NRK: variants seen among roughly 807,000 people sequenced by gnomAD.
NRK encodes Nik related kinase.
Under a neutral mutation model 125.2 loss-of-function variants are expected in NRK, and 67 were observed. The observed-to-expected ratio is 0.54, with a 90% CI of 0.44 to 0.66. The LOEUF is 0.66. NRK is among the 30% of genes least tolerant of loss of function. The pLI, the probability that NRK is intolerant of heterozygous loss-of-function variation, is 0.00. For synonymous variants in NRK, 458 were observed against 429.0 expected (o/e 1.07, Z -0.84); for missense variants, 1,224 against 1,192.9 (o/e 1.03, Z -0.38).
At chrX:105,878,741 G>A (rs763227324) in intron 2 of NRK, among the ~76,000 whole-genome samples, 1 of 110,709 alleles carries the variant, frequency 9.0e-6, no homozygotes, top group Non-Finnish European at 1.9e-5. Context: ...GGCATGCTCC[G>A]CCCTAAACTG....
intron 2 of NRK, among the ~76,000 whole-genome samples, chrX:105,878,688 G>C (rs1290998392): frequency 9.0e-6 from 1 of 110,730 alleles, no homozygotes; most frequent in East Asian, 2.9e-4. Flanking sequence ...TCAATAACCT[G>C]TAACTTTTTC....
rs763850517 is a variant in NRK, at chrX:105,956,178, A to T, written c.*578A>T. The T allele has an allele frequency of 1.8e-5, 2 of 111,752 alleles. No individual in the cohort carries two copies. The highest frequency in any genetic ancestry group is 6.5e-5 in the African/African-American group (2 of 30,715). 9.2% of individuals were successfully genotyped at this position (111,752 alleles called of 1,213,427 possible). ...CTCGTTTTCTCACTGATTCATGCCAATTAAGCCTACAGTTAAAGACCAGTT... is the reference window on the plus strand; with the variant it reads ...CTCGTTTTCTCACTGATTCATGCCATTTAAGCCTACAGTTAAAGACCAGTT... On this transcript the variant is annotated 3_prime_UTR_variant, in exon 29 of 29. Transcript: ENST00000243300.
At chrX:105,845,871 G>C (rs989182886) in intron 2 of NRK, among the ~76,000 whole-genome samples, 9 of 111,371 alleles carry the variant, frequency 8.1e-5, no homozygotes, top group African/African-American at 2.9e-4. Flanking sequence ...GCAGCTGTAG[G>C]GATCATTGAC....
Position 105,957,465 on chromosome X carries a change from TTAA to T in NRK, c.*1870_*1872del, listed in dbSNP as rs1250657874. ...TACGTAGTGTGTAGAATCAAGTCTTTTAATAATTCATTTTTTCTTCATAATATT... is the reference window on the plus strand; with the variant it reads ...TACGTAGTGTGTAGAATCAAGTCTTTTAATTCATTTTTTCTTCATAATATT... On this transcript the variant is annotated 3_prime_UTR_variant, in exon 29 of 29. Transcript: ENST00000243300. 4.5e-5 allele frequency: 5 copies of T among 111,793 alleles called. No individual in the cohort carries two copies. The highest frequency in any genetic ancestry group is 1.6e-4 in the African/African-American group (5 of 30,726). 9.2% of individuals were successfully genotyped at this position (111,793 alleles called of 1,213,427 possible).
chrX:105,884,040 A>AACTT (rs1463933070), intron 4 of NRK, among the ~76,000 whole-genome samples: 1 of 112,444 alleles, frequency 8.9e-6, no homozygotes, highest in East Asian at 2.8e-4. Flanking sequence ...ATTTGAAGGG[A>AACTT]ACTTATTAAC....
intron 6 of NRK, 116 bp downstream of exon 6, chrX:105,894,058 G>T: frequency 2.4e-6 from 1 of 424,953 alleles, no homozygotes. Context: ...CATAACCTGT[G>T]CATCAGGATA....
At chrX:105,870,202 C>A (rs775890353) in intron 2 of NRK, among the ~76,000 whole-genome samples, 1 of 111,771 alleles carries the variant, frequency 8.9e-6, no homozygotes, top group South Asian at 3.8e-4. Flanking sequence ...TGTGGGGAAG[C>A]TTCTTACATG....
At position 105,912,639 on chromosome X, in the gene NRK, G is replaced by C. The variant is rs2040316500; in HGVS notation, c.2242-9G>C. Reference sequence around the variant, plus strand: ...AATTAAAACAATTACTTTCCTTTTTGTTTCAAAGGACAAAGAAGATGAATC... The same window carrying C: ...AATTAAAACAATTACTTTCCTTTTTCTTTCAAAGGACAAAGAAGATGAATC... On this transcript the variant is annotated splice_polypyrimidine_tract_variant and intron_variant, in intron 13 of 28. Transcript: ENST00000243300. The C allele has an allele frequency of 3.1e-6, 3 of 978,929 alleles. No individual in the cohort carries two copies. The highest frequency in any genetic ancestry group is 2.6e-5 in the South Asian group (1 of 39,172). The allele number at this position is 978,929 out of a possible 1,213,427, so 80.7% of individuals were successfully genotyped here. A position where few individuals can be genotyped will look rare whatever the true frequency, so the allele number is the denominator to read the frequency against.
intron 2 of NRK, among the ~76,000 whole-genome samples, chrX:105,857,150 A>G (rs1007699766): frequency 2.7e-5 from 3 of 111,718 alleles, no homozygotes; most frequent in African/African-American, 6.5e-5. Context: ...TTTCTTTCTT[A>G]AACAATCATT....
intron 2 of NRK, among the ~76,000 whole-genome samples, chrX:105,879,160 G>A (rs748634757): frequency 2.7e-5 from 3 of 109,538 alleles, no homozygotes; most frequent in Non-Finnish European, 5.7e-5. Context: ...CCTTCCTTTC[G>A]TCTTATAAAG....
intron 2 of NRK, among the ~76,000 whole-genome samples, chrX:105,871,576 A>C (rs192941949): frequency 9.0e-6 from 1 of 111,359 alleles, no homozygotes; most frequent in Non-Finnish European, 1.9e-5. Context: ...AGTTCAGCAC[A>C]TATGTGCTGA....
At chrX:105,926,814 T>C (rs183832992) in intron 19 of NRK, among the ~76,000 whole-genome samples, 8 of 111,355 alleles carry the variant, frequency 7.2e-5, no homozygotes, top group East Asian at 5.7e-4. Flanking sequence ...GATAAATGAA[T>C]ATGTGGATCT....
intron 25 of NRK, 55 bp from the exon 26 acceptor site, chrX:105,946,260 C>T (rs900275056): frequency 5.7e-6 from 6 of 1,054,348 alleles, no homozygotes; most frequent in Non-Finnish European, 7.7e-6. Flanking sequence ...GAATTTTTGC[C>T]TTAGTTAGAA....
intron 9 of NRK, among the ~76,000 whole-genome samples, chrX:105,903,539 G>T (rs1206171836): frequency 9.0e-6 from 1 of 111,713 alleles, no homozygotes; most frequent in Non-Finnish European, 1.9e-5. Flanking sequence ...TTTAAGGGAG[G>T]CTTGCTGTTT....
chrX:105,840,383 A>G (rs1569288979), intron 2 of NRK, among the ~76,000 whole-genome samples: 1 of 112,081 alleles, frequency 8.9e-6, no homozygotes, highest in Non-Finnish European at 1.9e-5. Context: ...AACACAAAAT[A>G]TATTATGTCA....
At position 105,935,188 on chromosome X, in the gene NRK, A is replaced by C. The variant is rs369398549; in HGVS notation, c.3518A>C (p.Glu1173Ala). ...TTTGCAGTATACGCTGGATTCGTAG[A>C]AGTACCTGAGGAATCACCTAAGCAA... ...ASAILYAGFV[E>A]VPEESPKQPS... The change falls in exon 21 of 29, where the codon GAA becomes GCA. Residue 1173 changes from glutamate to alanine, a missense_variant. By Grantham distance (107) the Glu-to-Ala change is moderately radical. Transcript: ENST00000243300. 3 of 1,193,923 alleles carry C rather than the reference A, an allele frequency of 2.5e-6. No homozygotes were observed. The highest frequency in any genetic ancestry group is 3.4e-6 in the Non-Finnish European group (3 of 881,426).
At chrX:105,849,043 C>T (rs1035187035) in intron 2 of NRK, among the ~76,000 whole-genome samples, 13 of 111,660 alleles carry the variant, frequency 1.2e-4, no homozygotes, top group African/African-American at 2.6e-4. Context: ...GTGCCTTATG[C>T]GGCCCTGTGT....
At chrX:105,888,263 A>C in intron 4 of NRK, 31 bp from the exon 5 acceptor site, 1 of 1,171,408 alleles carries the variant, frequency 8.5e-7, no homozygotes, top group Non-Finnish European at 1.1e-6. Flanking sequence ...TGCACAGTTT[A>C]GGAGCTTTGC....
intron 2 of NRK, among the ~76,000 whole-genome samples, chrX:105,836,018 C>A (rs1387675387): frequency 8.9e-6 from 1 of 111,853 alleles, no homozygotes; most frequent in Non-Finnish European, 1.9e-5. Flanking sequence ...ATTCTTTATA[C>A]CTGCTTCCGT....
Sources: gnomAD v4.1 joint callset for allele counts (sites outside exome capture counted in the v4.1 genomes callset) on GRCh38, gnomAD v4.1.1 for gene constraint, MANE v1.5 for transcripts, NCBI Gene and HGNC (gene_info 2026-07-23, HGNC 2026-07-21) for gene names.